COL25A1: variants seen among roughly 807,000 people sequenced by gnomAD.
COL25A1 encodes the protein collagen alpha-1(XXV) chain.
Under a neutral mutation model 128.4 loss-of-function variants are expected in COL25A1, and 103 were observed. That is an observed-to-expected ratio of 0.80 (90% CI 0.68 to 0.94). COL25A1 has a LOEUF of 0.94. Among genes scored for constraint, COL25A1 ranks in the 40% least tolerant of loss-of-function variants. The pLI is 0.00. For synonymous variants in COL25A1, 279 were observed against 277.2 expected (o/e 1.01, Z -0.06); for missense variants, 745 against 840.0 (o/e 0.89, Z 1.40).
At chr4:108,884,099 T>C (rs1740463789) in intron 19 of COL25A1, 79 bp downstream of exon 19, 13 of 1,395,868 alleles carry the variant, frequency 9.3e-6, no homozygotes, top group Non-Finnish European at 1.2e-5. Flanking sequence ...TAGTTTCCAT[T>C]TTTCCCTATT....
intron 3 of COL25A1, among the ~76,000 whole-genome samples, chr4:109,235,460 A>G (rs1215892840): frequency 1.3e-5 from 2 of 152,080 alleles, no homozygotes; most frequent in Non-Finnish European, 2.9e-5. Context: ...AAGGCAATGC[A>G]CAAGCAAGAA....
At chr4:109,066,788 A>G (rs965660403) in intron 3 of COL25A1, among the ~76,000 whole-genome samples, 10 of 151,992 alleles carry the variant, frequency 6.6e-5, no homozygotes, top group Non-Finnish European at 1.3e-4. Flanking sequence ...TCACTCTCCC[A>G]TGTAGCTAGG....
chr4:109,164,412 T>TTGTTTGTC (rs1772873044), intron 3 of COL25A1, among the ~76,000 whole-genome samples: 2 of 22,748 alleles, frequency 8.8e-5, no homozygotes, highest in Admixed American at 8.0e-4. Flanking sequence ...AGAAATACAT[T>TTGTTTGTC]TGTTTGTTTG....
intron 8 of COL25A1, among the ~76,000 whole-genome samples, chr4:108,963,828 T>C (rs560416364): frequency 2.0e-5 from 3 of 151,626 alleles, no homozygotes; most frequent in Non-Finnish European, 4.4e-5. Context: ...ATATTCTCTT[T>C]CGATTAAAAT....
chr4:108,874,003 C>T (rs558693925), intron 19 of COL25A1, among the ~76,000 whole-genome samples: 6 of 152,118 alleles, frequency 3.9e-5, no homozygotes, highest in Admixed American at 6.5e-5. Context: ...AGGCAAAAGG[C>T]AATGACAGCC....
chr4:108,916,409 C>G (rs1394392609), intron 13 of COL25A1, among the ~76,000 whole-genome samples: 1 of 152,024 alleles, frequency 6.6e-6, no homozygotes, highest in Non-Finnish European at 1.5e-5. Context: ...TTGCATATTT[C>G]CTTTGCAAAA....
intron 3 of COL25A1, among the ~76,000 whole-genome samples, chr4:109,260,211 A>G (rs908243409): frequency 4.6e-5 from 7 of 152,146 alleles, no homozygotes; most frequent in Admixed American, 1.3e-4. Flanking sequence ...TTTTTACTCA[A>G]TAGGTATTGG....
intron 31 of COL25A1, among the ~76,000 whole-genome samples, chr4:108,838,400 C>T (rs553380520): frequency 6.6e-6 from 1 of 152,246 alleles, no homozygotes; most frequent in South Asian, 2.1e-4. Flanking sequence ...AGAAAGTATG[C>T]TCCTTACAAT....
chr4:109,263,817 A>G (rs1781601478), intron 3 of COL25A1, among the ~76,000 whole-genome samples: 1 of 152,198 alleles, frequency 6.6e-6, no homozygotes, highest in Non-Finnish European at 1.5e-5. Flanking sequence ...AAATGACATA[A>G]AAGATACTGT....
chr4:109,199,846 C>G (rs1027702533), intron 3 of COL25A1, among the ~76,000 whole-genome samples: 1 of 152,100 alleles, frequency 6.6e-6, no homozygotes, highest in Non-Finnish European at 1.5e-5. Flanking sequence ...TGGAAATGCT[C>G]AAGAAGAAGC....
chr4:109,053,409 T>C (rs1001356343), intron 3 of COL25A1, among the ~76,000 whole-genome samples: 1 of 152,224 alleles, frequency 6.6e-6, no homozygotes, highest in Non-Finnish European at 1.5e-5. Context: ...CTAATATTGT[T>C]TGAACGCTCT....
rs556453935 is a variant in COL25A1, at chr4:109,293,791, T to A, written c.367+6792A>T. 2.0e-5 allele frequency among the ~76,000 whole-genome samples: 3 copies of A among 152,232 alleles called. No homozygotes were observed. In the South Asian group the frequency reaches 6.2e-4, roughly 32 times the overall value. ...AAAATGCGCTTCAAATCTCATATTA[T>A]GTGGCAACTTAACATTGAAATGAAG... On this transcript the variant is annotated intron_variant, in intron 3 of 37. Coordinates refer to ENST00000399132, the MANE Select transcript of COL25A1 (RefSeq NM_198721.4).
At chr4:109,237,994 A>G (rs1266263304) in intron 3 of COL25A1, among the ~76,000 whole-genome samples, 1 of 152,068 alleles carries the variant, frequency 6.6e-6, no homozygotes, top group Non-Finnish European at 1.5e-5. Flanking sequence ...GTGTCAGAAT[A>G]TCTTTTCTTT....
chr4:109,067,262 G>GA (rs1322903573), intron 3 of COL25A1, among the ~76,000 whole-genome samples: 1 of 151,882 alleles, frequency 6.6e-6, no homozygotes. Flanking sequence ...TCAACATTAA[G>GA]AAAAAACCCT....
rs1339710889 is a variant in COL25A1 at position 109,302,341 on chromosome 4, T to C, written c.-229A>G. The C allele has an allele frequency of 6.5e-6, 2 of 309,492 alleles. No homozygotes were observed. The highest frequency in any genetic ancestry group is 1.2e-5 in the Non-Finnish European group (2 of 168,520). 19.2% of individuals were successfully genotyped at this position (309,492 alleles called of 1,614,324 possible). On this transcript the variant is annotated 5_prime_UTR_variant, in exon 1 of 38. Coordinates refer to ENST00000399132, the MANE Select transcript of COL25A1 (RefSeq NM_198721.4). ...CCGACTCCCAGAGGACCGACACCTC[T>C]TTCGAGGGCCCCAACAGTGGCCGCT...
intron 8 of COL25A1, among the ~76,000 whole-genome samples, chr4:108,944,147 A>G (rs1241761298): frequency 6.6e-6 from 1 of 152,188 alleles, no homozygotes; most frequent in East Asian, 1.9e-4. Context: ...AGCAAAACAG[A>G]GAAAATCTTA....
chr4:108,992,849 T>C (rs745979559), intron 6 of COL25A1, among the ~76,000 whole-genome samples: 1 of 151,946 alleles, frequency 6.6e-6, no homozygotes, highest in Non-Finnish European at 1.5e-5. Context: ...TTTTTGTTCT[T>C]ATTATTCTAT....
At chr4:109,254,478 TA>T (rs1560936689) in intron 3 of COL25A1, among the ~76,000 whole-genome samples, 2 of 93,198 alleles carry the variant, frequency 2.1e-5, no homozygotes, top group African/African-American at 1.4e-4. Context: ...TTTATATATA[TA>T]TATATATATA....
intron 5 of COL25A1, among the ~76,000 whole-genome samples, chr4:109,032,516 C>T (rs562705905): frequency 6.6e-6 from 1 of 152,306 alleles, no homozygotes; most frequent in South Asian, 2.1e-4. Context: ...GACAGAGGCT[C>T]AAGTTGTGAA....
Sources: allele counts gnomAD v4.1 joint callset (sites outside exome capture counted in the v4.1 genomes callset), GRCh38; gene constraint gnomAD v4.1.1; transcripts MANE v1.5; gene names NCBI Gene and HGNC (gene_info 2026-07-23, HGNC 2026-07-21).